Variants in CFAP54 observed in about 807,000 individuals in gnomAD.
CFAP54 encodes cilia and flagella associated protein 54.
A neutral mutation model predicts 370.4 loss-of-function variants in CFAP54; 290 were observed. That is an observed-to-expected ratio of 0.78 (90% confidence interval 0.71 to 0.86). CFAP54 has a LOEUF of 0.86. Among genes scored for constraint, CFAP54 ranks in the 40% least tolerant of loss-of-function variants. The probability of loss-of-function intolerance (pLI) is 0.00; values close to 1 mark genes in which losing one functional copy is unlikely to be tolerated. For synonymous variants in CFAP54, 1,206 were observed against 1,236.5 expected (o/e 0.98, Z 0.52); for missense variants, 3,399 against 3,528.7 (o/e 0.96, Z 0.93).
chr12:96,587,468 C>G (rs1956084465), intron 22 of CFAP54, among the ~76,000 whole-genome samples: 1 of 152,140 alleles, frequency 6.6e-6, no homozygotes, highest in Admixed American at 6.5e-5. Context: ...TTTAGTGCTT[C>G]TTTCTCATTT....
chr12:96,819,126 G>A (rs1015333570), intron 65 of CFAP54, among the ~76,000 whole-genome samples: 2 of 152,206 alleles, frequency 1.3e-5, no homozygotes, highest in Non-Finnish European at 2.9e-5. Flanking sequence ...TGCTACGTTT[G>A]TTATTTGCTT....
intron 1 of CFAP54, among the ~76,000 whole-genome samples, chr12:96,491,338 A>T (rs1954882584): frequency 6.6e-6 from 1 of 152,172 alleles, no homozygotes; most frequent in African/African-American, 2.4e-5. Flanking sequence ...GGAGATCAAG[A>T]GTTTACTTTT....
intron 3 of CFAP54, among the ~76,000 whole-genome samples, chr12:96,506,337 C>CAAA (rs10709188): frequency 2.1e-5 from 2 of 94,434 alleles, no homozygotes; most frequent in African/African-American, 4.0e-5. Flanking sequence ...GACTCCGTCT[C>CAAA]AAAAAAAAAA....
rs866764519 is a variant in CFAP54, at chr12:96,547,919, G to A, written c.2095G>A (p.Gly699Arg). 6 of 1,498,044 alleles carry A rather than the reference G, an allele frequency of 4.0e-6. No individual in the cohort carries two copies. The African/African-American group carries it at 8.4e-5, about 21-fold the overall frequency. The allele number at this position is 1,498,044 out of a possible 1,614,324, so 92.8% of individuals were successfully genotyped here. A position where few individuals can be genotyped will look rare whatever the true frequency, so the allele number is the denominator to read the frequency against. The part of the protein sequence containing the change: ...KQSLDVPLRE[G>R]TNKFPGAPKG... The stretch of plus-strand genomic sequence containing the variant: ...TTTTCCAGATGTACCTTTAAGAGAA[G>A]GGACTAACAAATTCCCTGGAGCTCC... The change falls in exon 15 of 68, where the codon GGG becomes AGG. Residue 699 changes from glycine (G) to arginine (R), a missense_variant. Gly to Arg is a moderately radical substitution (Grantham distance 125, BLOSUM62 -2). Transcript: ENST00000524981.
Position 96,720,462 on chromosome 12 carries a change from C to T in CFAP54, c.6862C>T (p.Gln2288Ter). 1 of 1,603,904 alleles carries T rather than the reference C, an allele frequency of 6.2e-7. No individual in the cohort carries two copies. The highest frequency in any genetic ancestry group is 8.5e-7 in the Non-Finnish European group (1 of 1,174,720). ...RLNFLLSEVE[Q>*]KTLSQCSAGE... ...AAACTTCCTTCTGTCCGAGGTGGAACAGAAGACCCTGTCTCAGTGCTCCGC... is the reference window on the plus strand; with the variant it reads ...AAACTTCCTTCTGTCCGAGGTGGAATAGAAGACCCTGTCTCAGTGCTCCGC... Residue 2288 changes from glutamine (Q) to a stop codon, truncating the protein, a stop_gained, in exon 50 of 68, where the codon CAG becomes TAG. Coordinates refer to ENST00000524981, the MANE Select transcript of CFAP54 (RefSeq NM_001306084.2). LOFTEE classifies it high-confidence loss of function.
chr12:96,709,096 A>T (rs181981132), intron 48 of CFAP54, among the ~76,000 whole-genome samples: 1 of 152,336 alleles, frequency 6.6e-6, no homozygotes, highest in Admixed American at 6.5e-5. Context: ...ACTTTTCTGC[A>T]TCTGGTATTT....
chr12:96,572,132 A>G (rs1955925614), intron 19 of CFAP54, among the ~76,000 whole-genome samples: 1 of 152,222 alleles, frequency 6.6e-6, no homozygotes, highest in South Asian at 2.1e-4. Flanking sequence ...TGTGTCTTAT[A>G]TTCCAAACAC....
At chr12:96,827,840 A>G (rs188251988) in intron 65 of CFAP54, among the ~76,000 whole-genome samples, 1 of 112,040 alleles carries the variant, frequency 8.9e-6, no homozygotes, top group East Asian at 2.3e-4. Context: ...TATATATAAT[A>G]TATAATTATA....
chr12:96,865,485 T>C (rs992010698), intron 67 of CFAP54, among the ~76,000 whole-genome samples: 1 of 152,156 alleles, frequency 6.6e-6, no homozygotes, highest in African/African-American at 2.4e-5. Flanking sequence ...AAAATATTTT[T>C]AACACAAGTT....
chr12:96,546,074 AGCCAGCTG>A (rs1955637713), intron 14 of CFAP54, among the ~76,000 whole-genome samples: 1 of 152,214 alleles, frequency 6.6e-6, no homozygotes, highest in South Asian at 2.1e-4. Context: ...TTTAGTTTGT[AGCCAGCTG>A]GTCAGAAGCA....
intron 56 of CFAP54, among the ~76,000 whole-genome samples, chr12:96,755,505 G>A (rs919352106): frequency 6.6e-6 from 1 of 151,872 alleles, no homozygotes; most frequent in East Asian, 1.9e-4. Context: ...AGATTCTTCA[G>A]TTAAGTGAGA....
Position 96,708,659 on chromosome 12 carries a change from G to C in CFAP54, c.6580G>C (p.Gly2194Arg). 6.2e-7 allele frequency: 1 copy of C among 1,610,524 alleles called. No individual in the cohort carries two copies. Among genetic ancestry groups the C allele is most frequent in the Middle Eastern group, 1.8e-4 (1 of 5,524 alleles). Residue 2194 changes from glycine (G) to arginine (R), a missense_variant, in exon 48 of 68, where the codon GGC becomes CGC. By Grantham distance (125) the Gly-to-Arg change is moderately radical. Around this residue, in one of 3 missense-constraint regions of CFAP54, gnomAD observed 2,796 missense variants for 2,869.7 expected, o/e 0.97. Coordinates refer to ENST00000524981, the MANE Select transcript of CFAP54 (RefSeq NM_001306084.2). ...KGLPAVLVTI[G>R]QPHLLNKFNF... ...CTTGCCTGCAGTTCTGGTTACAATT[G>C]GCCAACCACATCTCTTAAATAAGTT...
intron 47 of CFAP54, among the ~76,000 whole-genome samples, chr12:96,705,418 A>C (rs775048185): frequency 6.6e-6 from 1 of 151,274 alleles, no homozygotes; most frequent in African/African-American, 2.4e-5. Context: ...CAGATGATTC[A>C]TTGTTTTTTT....
intron 17 of CFAP54, among the ~76,000 whole-genome samples, chr12:96,561,157 A>G (rs889329789): frequency 1.3e-5 from 2 of 152,112 alleles, no homozygotes; most frequent in African/African-American, 4.8e-5. Flanking sequence ...TCCCCACCCA[A>G]ATCTCATCTT....
intron 48 of CFAP54, among the ~76,000 whole-genome samples, chr12:96,715,284 G>A (rs1011013275): frequency 2.6e-5 from 4 of 151,926 alleles, no homozygotes; most frequent in African/African-American, 4.8e-5. Flanking sequence ...AGTTAGCATC[G>A]TTTTTTCCCA....
chr12:96,687,564 A>G (rs1410149799), intron 42 of CFAP54, among the ~76,000 whole-genome samples: 1 of 152,206 alleles, frequency 6.6e-6, no homozygotes, highest in East Asian at 1.9e-4. Flanking sequence ...TAAGCTGTAG[A>G]GCACACTTAA....
At chr12:96,848,815 A>T (rs575130722) in intron 66 of CFAP54, among the ~76,000 whole-genome samples, 1 of 152,380 alleles carries the variant, frequency 6.6e-6, no homozygotes, top group East Asian at 1.9e-4. Flanking sequence ...AGTTAGGGTG[A>T]TGAAAAGATA....
At chr12:96,811,885 T>C (rs1240576652) in intron 64 of CFAP54, 43 bp downstream of exon 64, 5 of 1,199,762 alleles carry the variant, frequency 4.2e-6, no homozygotes, top group Non-Finnish European at 5.7e-6. Flanking sequence ...TGTTGTTATC[T>C]CTCACGAGAA....
intron 67 of CFAP54, among the ~76,000 whole-genome samples, chr12:96,870,605 A>G (rs1292746090): frequency 6.6e-6 from 1 of 152,218 alleles, no homozygotes; most frequent in Non-Finnish European, 1.5e-5. Flanking sequence ...TTACATTCTT[A>G]TATTATTACA....
Sources: gnomAD v4.1 joint callset for allele counts (sites outside exome capture counted in the v4.1 genomes callset) on GRCh38, gnomAD v4.1.1 for gene constraint, gnomAD v4.1.1 regional missense constraint, MANE v1.5 for transcripts, NCBI Gene and HGNC (gene_info 2026-07-23, HGNC 2026-07-21) for gene names.